C9orf153: variants seen among roughly 807,000 people sequenced by gnomAD.
C9orf153 encodes the protein chromosome 9 open reading frame 153.
C9orf153 carries 10 observed loss-of-function variants against 9.0 expected under a neutral mutation model. That is an observed-to-expected ratio of 1.11 (90% CI 0.69 to 1.89). The LOEUF is 1.89. Among genes scored for constraint, C9orf153 ranks in the 40% most tolerant of loss-of-function variants. The pLI, the probability that C9orf153 is intolerant of heterozygous loss-of-function variation, is 0.00. For synonymous variants in C9orf153, 35 were observed against 37.3 expected, an observed-to-expected ratio of 0.94 and a Z score of 0.23; for missense variants, 108 against 111.0, an observed-to-expected ratio of 0.97 and a Z score of 0.12.
intron 1 of C9orf153, among the ~76,000 whole-genome samples, chr9:86,242,711 C>A (rs928598103): frequency 2.0e-5 from 3 of 152,198 alleles, no homozygotes; most frequent in Admixed American, 6.5e-5. Flanking sequence ...TGGAGTCTCA[C>A]TCTGTCGCCC....
intron 1 of C9orf153, among the ~76,000 whole-genome samples, chr9:86,235,362 G>A (rs1032923189): frequency 1.3e-5 from 2 of 152,186 alleles, no homozygotes; most frequent in Non-Finnish European, 2.9e-5. Context: ...TCAGAGAAAT[G>A]CAGAATGCCA....
intron 1 of C9orf153, among the ~76,000 whole-genome samples, chr9:86,246,663 G>A (rs1824870352): frequency 6.6e-6 from 1 of 152,056 alleles, no homozygotes; most frequent in South Asian, 2.1e-4. Flanking sequence ...GGTATAAAAT[G>A]TATATGTGTT....
chr9:86,230,706 G>A (rs1003690453), intron 1 of C9orf153, among the ~76,000 whole-genome samples: 6 of 152,164 alleles, frequency 3.9e-5, no homozygotes, highest in Non-Finnish European at 5.9e-5. Flanking sequence ...TATTCAGGAG[G>A]AAAAGGCTCA....
intron 3 of C9orf153, among the ~76,000 whole-genome samples, chr9:86,226,843 C>T (rs1824348857): frequency 6.6e-6 from 1 of 152,164 alleles, no homozygotes; most frequent in Non-Finnish European, 1.5e-5. Context: ...CTGCTCACTG[C>T]AATCTCCACC....
chr9:86,253,482 G>A (rs965307004), intron 1 of C9orf153, among the ~76,000 whole-genome samples: 1 of 152,200 alleles, frequency 6.6e-6, no homozygotes, highest in Non-Finnish European at 1.5e-5. Context: ...AGGGTTCCTA[G>A]TTTCAAGAGG....
In C9orf153 at chr9:86,221,665, T is replaced by C. The variant is rs1313370387; in HGVS notation, c.*23A>G. ...ATGTCTCCGAATGAAATTGCAGTAG[T>C]GCGCCTCCACTTCGCAAGCCCCTTA... On this transcript the variant is annotated 3_prime_UTR_variant, in exon 4 of 4. Transcript: ENST00000339137. 3.9e-6 allele frequency: 6 copies of C among 1,548,034 alleles called. No individual in the cohort carries two copies. Among genetic ancestry groups the C allele is most frequent in the South Asian group, 2.4e-5 (2 of 83,656 alleles).
At chr9:86,242,490 G>T (rs887584661) in intron 1 of C9orf153, among the ~76,000 whole-genome samples, 43 of 152,110 alleles carry the variant, frequency 2.8e-4, no homozygotes, top group Non-Finnish European at 4.9e-4. Flanking sequence ...GCCATGTACA[G>T]CTTATAATTT....
At chr9:86,244,266 G>T (rs865815205) in intron 1 of C9orf153, among the ~76,000 whole-genome samples, 39 of 152,116 alleles carry the variant, frequency 2.6e-4, no homozygotes, top group Middle Eastern at 3.4e-3. Context: ...GTAGAGACAG[G>T]GTCTTGCTAT....
At chr9:86,245,344 G>A (rs1564002611) in intron 1 of C9orf153, among the ~76,000 whole-genome samples, 1 of 152,160 alleles carries the variant, frequency 6.6e-6, no homozygotes, top group Non-Finnish European at 1.5e-5. Context: ...GCATCATTGT[G>A]TAACGCATCT....
rs534373993 is a variant in C9orf153 at position 86,221,583 on chromosome 9, A to G, written c.*105T>C. On this transcript the variant is annotated 3_prime_UTR_variant, in exon 4 of 4. Coordinates refer to ENST00000339137, the MANE Select transcript of C9orf153 (RefSeq NM_001276366.4). ...CAAAGACTTGCGAACTATAGGGGGG[A>G]AAATAACGTCAGGCATGTCCTGGCT... 2 of 1,420,914 alleles carry G rather than the reference A, an allele frequency of 1.4e-6. No homozygotes were observed. The highest frequency in any genetic ancestry group is 2.8e-5 in the East Asian group (1 of 35,970). The allele number at this position is 1,420,914 out of a possible 1,614,324, so 88.0% of individuals were successfully genotyped here. A position where few individuals can be genotyped will look rare whatever the true frequency, so the allele number is the denominator to read the frequency against.
Position 86,250,577 on chromosome 9 carries a change from G to A in C9orf153, c.-27+8973C>T, listed in dbSNP as rs146508863. Among the ~76,000 whole-genome samples the A allele has an allele frequency of 1.8e-3, 269 of 152,270 alleles. 1 individual carries two copies. The highest frequency in any genetic ancestry group is 2.8e-3 in the Non-Finnish European group (189 of 68,020). On this transcript the variant is annotated intron_variant, in intron 1 of 3. Transcript: ENST00000339137. ...AACATACATGATTAACTCTGTAGCCGGGTTTATGATTCTTTACAATAATGT... is the reference window on the plus strand; with the variant it reads ...AACATACATGATTAACTCTGTAGCCAGGTTTATGATTCTTTACAATAATGT...
At chr9:86,254,190 TTA>T (rs1430523456) in intron 1 of C9orf153, among the ~76,000 whole-genome samples, 1 of 151,900 alleles carries the variant, frequency 6.6e-6, no homozygotes, top group Non-Finnish European at 1.5e-5. Context: ...GAGAGAAAAA[TTA>T]TGTTTCAGAA....
At chr9:86,228,983 A>G in intron 2 of C9orf153, 1 of 269,710 alleles carries the variant, frequency 3.7e-6, no homozygotes, top group Non-Finnish European at 7.6e-6. Context: ...AACTTCAAGT[A>G]AGAGGCGACA....
At chr9:86,229,447 G>A in intron 2 of C9orf153, 91 bp downstream of exon 2, 1 of 859,600 alleles carries the variant, frequency 1.2e-6, no homozygotes, top group Non-Finnish European at 1.9e-6. Context: ...GCTCCCAAGT[G>A]TGTCACTGTG....
At chr9:86,231,598 G>GATAT (rs148600227) in intron 1 of C9orf153, among the ~76,000 whole-genome samples, 17 of 140,904 alleles carry the variant, frequency 1.2e-4, no homozygotes, top group African/African-American at 2.5e-4. Flanking sequence ...CACAAACATG[G>GATAT]ATATATATAT....
intron 1 of C9orf153, among the ~76,000 whole-genome samples, chr9:86,240,253 G>A (rs945988609): frequency 6.6e-6 from 1 of 151,998 alleles, no homozygotes; most frequent in South Asian, 2.1e-4. Context: ...TATAAGTGGC[G>A]AATCTGAGAT....
chr9:86,259,370 G>C (rs956635771), intron 1 of C9orf153, among the ~76,000 whole-genome samples, 180 bp downstream of exon 1: 1 of 152,082 alleles, frequency 6.6e-6, no homozygotes, highest in African/African-American at 2.4e-5. Flanking sequence ...AGATGAAACA[G>C]GCTCCTCATC....
chr9:86,228,495 G>A (rs1824391242), intron 2 of C9orf153, among the ~76,000 whole-genome samples: 1 of 152,180 alleles, frequency 6.6e-6, no homozygotes, highest in South Asian at 2.1e-4. Context: ...ATAATGTTCA[G>A]GAATCCAGTG....
At chr9:86,232,358 G>A (rs1327724160) in intron 1 of C9orf153, among the ~76,000 whole-genome samples, 1 of 152,170 alleles carries the variant, frequency 6.6e-6, no homozygotes, top group Non-Finnish European at 1.5e-5. Context: ...CTTGATCCAA[G>A]TCAATGCCTA....
Sources: allele counts gnomAD v4.1 joint callset (sites outside exome capture counted in the v4.1 genomes callset), GRCh38; gene constraint gnomAD v4.1.1; transcripts MANE v1.5; gene names NCBI Gene and HGNC (gene_info 2026-07-23, HGNC 2026-07-21).